ZNF287: variants seen among roughly 807,000 people sequenced by gnomAD.
ZNF287 encodes the protein zinc finger protein with KRAB and SCAN domains 13.
ZNF287 carries 31 observed loss-of-function variants against 73.7 expected under a neutral mutation model. That is an observed-to-expected ratio of 0.42 (90% CI 0.32 to 0.57). The LOEUF (loss-of-function observed/expected upper bound fraction) is 0.57, where lower values mean the gene tolerates loss of function less well. ZNF287 is among the 20% of genes least tolerant of loss of function. The probability of loss-of-function intolerance (pLI) is 0.13; values close to 1 mark genes in which losing one functional copy is unlikely to be tolerated. For synonymous variants in ZNF287, 301 were observed against 307.2 expected (o/e 0.98, Z 0.21); for missense variants, 641 against 909.3 (o/e 0.70, Z 3.79).
intron 5 of ZNF287, among the ~76,000 whole-genome samples, chr17:16,560,308 G>GTATATATATATATATATATATATA (rs1491315982): frequency 1.5e-5 from 2 of 137,314 alleles, no homozygotes; most frequent in African/African-American, 5.4e-5. Flanking sequence ...GTCAACAGTG[G>GTATATATATATATATATATATATA]TGTATATATA....
chr17:16,565,597 T>G (rs1344001717), intron 3 of ZNF287, among the ~76,000 whole-genome samples: 1 of 152,184 alleles, frequency 6.6e-6, no homozygotes, highest in Non-Finnish European at 1.5e-5. Flanking sequence ...TCATTTTAAC[T>G]TGGTTACCAA....
At position 16,549,365 on chromosome 17, in the gene ZNF287, G is replaced by A. The variant is rs948036602; in HGVS notation, c.*2491C>T. On this transcript the variant is annotated 3_prime_UTR_variant, in exon 6 of 6. Transcript: ENST00000395825. ...TATTTACATAAAACATACAAAGGCA[G>A]GAAATAACAGAGTAATGCAAAGGAA... Among the ~76,000 whole-genome samples, 15 of 146,718 alleles carry A rather than the reference G, an allele frequency of 1.0e-4. No individual in the cohort carries two copies. The highest frequency in any genetic ancestry group is 7.2e-4 in the Admixed American group (11 of 15,182).
chr17:16,567,186 C>T, intron 2 of ZNF287, 143 bp downstream of exon 2: 1 of 1,064,186 alleles, frequency 9.4e-7, no homozygotes, highest in Non-Finnish European at 1.3e-6. Context: ...AACCTTTGTT[C>T]TCCCCAGTTT....
chr17:16,565,420 A>C (rs1439924470), intron 3 of ZNF287, among the ~76,000 whole-genome samples: 1 of 151,036 alleles, frequency 6.6e-6, no homozygotes, highest in Non-Finnish European at 1.5e-5. Context: ...TCTCATTTTT[A>C]TATGTATATA....
rs768793000 is a variant in ZNF287 at position 16,567,541 on chromosome 17, C to T, written c.191G>A (p.Arg64Gln). The T allele has an allele frequency of 2.5e-6, 4 of 1,614,066 alleles. No homozygotes were observed. Among genetic ancestry groups the T allele is most frequent in the Non-Finnish European group, 3.4e-6 (4 of 1,180,046 alleles). ...NFPYPDLAGP[R>Q]KALSQLRELC... ...CTCTCGGAGTTGACTCAATGCCTTT[C>T]GAGGACCAGCCAGGTCTGGGTATGG... Residue 64 changes from arginine (R) to glutamine (Q), a missense_variant, in exon 2 of 6, where the codon CGA becomes CAA. By Grantham distance (43) the Arg-to-Gln change is conservative. Around this residue, in one of 2 missense-constraint regions of ZNF287, gnomAD observed 357 missense variants for 442.4 expected, o/e 0.81. Coordinates refer to ENST00000395825, the MANE Select transcript of ZNF287 (RefSeq NM_020653.4).
In ZNF287 at chr17:16,552,482, G is replaced by A. The variant is rs774498338; in HGVS notation, c.1660C>T (p.His554Tyr). ...VFSQSTYLIR[H>Y]QRIHSGEKCY... Reference sequence around the variant, plus strand: ...TTCTCTCCAGAATGAATTCTCTGATGTCGAATAAGGTAAGTACTCTGACTA... The same window carrying A: ...TTCTCTCCAGAATGAATTCTCTGATATCGAATAAGGTAAGTACTCTGACTA... The change falls in exon 6 of 6, where the codon CAT (histidine) becomes TAT (tyrosine). Residue 554 changes from histidine (H) to tyrosine (Y), a missense_variant. Transcript: ENST00000395825. This position sits in a 1 kb window ranked among gnomAD's most constrained non-coding sequence, Gnocchi z 6.5. The A allele has an allele frequency of 6.2e-7, 1 of 1,614,128 alleles. No individual in the cohort carries two copies. The highest frequency in any genetic ancestry group is 8.5e-7 in the Non-Finnish European group (1 of 1,180,002).
chr17:16,551,344 T>G lies in ZNF287; in HGVS notation c.*512A>C, dbSNP rs1247145975. On this transcript the variant is annotated 3_prime_UTR_variant, in exon 6 of 6. Coordinates refer to ENST00000395825, the MANE Select transcript of ZNF287 (RefSeq NM_020653.4). ...CCTCATTAGGATGTACAGTTGACCC[T>G]TGAACAACACATTTGAACTGTACAG... The G allele has an allele frequency of 6.5e-6, 1 of 152,970 alleles. No individual in the cohort carries two copies. The highest frequency in any genetic ancestry group is 2.4e-5 in the African/African-American group (1 of 41,456). The allele number at this position is 152,970 out of a possible 1,614,324, so 9.5% of individuals were successfully genotyped here.
intron 5 of ZNF287, among the ~76,000 whole-genome samples, chr17:16,560,308 G>GTATATATATATA (rs1491315982): frequency 2.2e-4 from 30 of 137,370 alleles, no homozygotes; most frequent in African/African-American, 7.8e-4. Context: ...GTCAACAGTG[G>GTATATATATATA]TGTATATATA....
At position 16,554,202 on chromosome 17, in the gene ZNF287, C is replaced by CTTT. The variant is rs565329005; in HGVS notation, c.716-779_716-777dup. 5.1e-4 allele frequency among the ~76,000 whole-genome samples: 71 copies of CTTT among 139,398 alleles called. 1 individual carries two copies. Among genetic ancestry groups the CTTT allele is most frequent in the African/African-American group, 1.8e-3 (66 of 37,328 alleles). 91.5% of individuals were successfully genotyped at this position (139,398 alleles called of 152,430 possible). ...TTCAGCTTAATTTAGTTATCCACTA[C>CTTT]TTTTTTTTTTTTTTTTTTGAGACAG... On this transcript the variant is annotated intron_variant, in intron 5 of 5. Transcript: ENST00000395825.
Position 16,556,972 on chromosome 17 carries a change from C to T in ZNF287, c.716-3546G>A, listed in dbSNP as rs139687977. On this transcript the variant is annotated intron_variant, in intron 5 of 5. Coordinates refer to ENST00000395825, the MANE Select transcript of ZNF287 (RefSeq NM_020653.4). ...AAGCGATTCTCTTGCCTCAGCCTCCCGAGTAGCTGAGATTACAGGCATGTG... is the reference window on the plus strand; with the variant it reads ...AAGCGATTCTCTTGCCTCAGCCTCCTGAGTAGCTGAGATTACAGGCATGTG... 3.1e-3 allele frequency among the ~76,000 whole-genome samples: 479 copies of T among 152,110 alleles called. 3 individuals carry two copies. Among genetic ancestry groups the T allele is most frequent in the Middle Eastern group, 0.027 (8 of 294 alleles).
rs553169067 is a variant in ZNF287, at chr17:16,564,085, T to G, written c.502-260A>C. Among the ~76,000 whole-genome samples, 9 of 152,376 alleles carry G rather than the reference T, an allele frequency of 5.9e-5. No individual in the cohort carries two copies. The South Asian group carries it at 1.7e-3, about 28-fold the overall frequency. On this transcript the variant is annotated intron_variant, in intron 3 of 5. Coordinates refer to ENST00000395825, the MANE Select transcript of ZNF287 (RefSeq NM_020653.4). ...GCATGCATTGGTGGCAGCTCCATTT[T>G]AAACAGAAAAGGTTTATCATTACTA...
intron 5 of ZNF287, among the ~76,000 whole-genome samples, chr17:16,556,871 G>T (rs1417628689): frequency 6.6e-6 from 1 of 151,470 alleles, no homozygotes; most frequent in African/African-American, 2.4e-5. Flanking sequence ...TTTTGAGATG[G>T]AGTTTCGCTT....
chr17:16,559,616 A>G (rs1182179714), intron 5 of ZNF287, among the ~76,000 whole-genome samples: 2 of 142,324 alleles, frequency 1.4e-5, no homozygotes, highest in Non-Finnish European at 3.0e-5. Context: ...TCCTAGCTCT[A>G]TCCACTGAAC....
At position 16,552,922 on chromosome 17, in the gene ZNF287, T is replaced by C. The variant is rs1041027243; in HGVS notation, c.1220A>G (p.His407Arg). The change falls in exon 6 of 6, where the codon CAT becomes CGT. Residue 407 changes from histidine to arginine, a missense_variant. His to Arg is a conservative substitution (Grantham distance 29). Transcript: ENST00000395825. The surrounding 1 kb of genome is among the most constrained non-coding windows in gnomAD (Gnocchi z 6.5). ...CTGATGTGCAATAAGGGATGAGATATGCCTAAACTCTTTCCCACATTCTTC... is the reference window on the plus strand; with the variant it reads ...CTGATGTGCAATAAGGGATGAGATACGCCTAAACTCTTTCCCACATTCTTC... Reference protein sequence around the residue: ...ECEECGKEFRHISSLIAHQRM... With the variant: ...ECEECGKEFRRISSLIAHQRM... 5 of 1,614,096 alleles carry C rather than the reference T, an allele frequency of 3.1e-6. No individual in the cohort carries two copies. In the Admixed American group the frequency reaches 5.0e-5, roughly 16 times the overall value.
chr17:16,552,585 C>CT lies in ZNF287; in HGVS notation c.1556dup (p.Ser520GlufsTer18), dbSNP rs1307595259. 6.2e-7 allele frequency: 1 copy of CT among 1,614,026 alleles called. No individual in the cohort carries two copies. Among genetic ancestry groups the CT allele is most frequent in the Non-Finnish European group, 8.5e-7 (1 of 1,179,974 alleles). On this transcript the variant is annotated frameshift_variant, in exon 6 of 6. Coordinates refer to ENST00000395825, the MANE Select transcript of ZNF287 (RefSeq NM_020653.4). LOFTEE classifies it high-confidence loss of function. This position sits in a 1 kb window ranked among gnomAD's most constrained non-coding sequence, Gnocchi z 6.5. ...TTTGATGCTGAAGAAGGTGTGTACT[C>CT]TGACTGAAAGTCTTCCCACATTCAT...
At chr17:16,564,325 T>C (rs1462637845) in intron 3 of ZNF287, among the ~76,000 whole-genome samples, 1 of 152,146 alleles carries the variant, frequency 6.6e-6, no homozygotes, top group African/African-American at 2.4e-5. Context: ...CTCACCCTCC[T>C]GAGTAGCTAG....
chr17:16,553,792 T>C (rs1906860976), intron 5 of ZNF287, among the ~76,000 whole-genome samples: 1 of 152,246 alleles, frequency 6.6e-6, no homozygotes, highest in Non-Finnish European at 1.5e-5. Context: ...CATCACTCTC[T>C]CTTCCAATCT....
chr17:16,565,388 A>C (rs560357632), intron 3 of ZNF287, among the ~76,000 whole-genome samples: 1 of 151,100 alleles, frequency 6.6e-6, no homozygotes, highest in South Asian at 2.1e-4. Flanking sequence ...TACTGGAGGC[A>C]TTTTTTTCAT....
chr17:16,566,821 G>A (rs1461028165), intron 2 of ZNF287, among the ~76,000 whole-genome samples, 199 bp from the exon 3 acceptor site: 4 of 152,092 alleles, frequency 2.6e-5, no homozygotes, highest in African/African-American at 7.2e-5. Flanking sequence ...AAACAAGCTC[G>A]CTCTAAAAAT....
Sources: allele counts gnomAD v4.1 joint callset (sites outside exome capture counted in the v4.1 genomes callset), GRCh38; gene constraint gnomAD v4.1.1; regional missense constraint gnomAD v4.1.1; non-coding constraint Gnocchi (gnomAD v3.1); transcripts MANE v1.5; gene names NCBI Gene and HGNC (gene_info 2026-07-23, HGNC 2026-07-21).